ANGEL2: variants seen among roughly 807,000 people sequenced by gnomAD.
ANGEL2 encodes RNA 2',3'-cyclic phosphatase ANGEL2.
Under a neutral mutation model 66.0 loss-of-function variants are expected in ANGEL2, and 41 were observed. The observed-to-expected ratio is 0.62, with a 90% CI of 0.48 to 0.81. ANGEL2 has a LOEUF of 0.81. Among genes scored for constraint, ANGEL2 ranks in the 30% least tolerant of loss-of-function variants. The pLI is 0.00. For missense variants in ANGEL2, 561 were observed against 641.6 expected, an observed-to-expected ratio of 0.87 and a Z score of 1.36; for synonymous variants, 208 against 226.5, an observed-to-expected ratio of 0.92 and a Z score of 0.73.
intron 2 of ANGEL2, among the ~76,000 whole-genome samples, chr1:213,009,261 C>A (rs757001274): frequency 1.3e-5 from 2 of 152,146 alleles, no homozygotes; most frequent in Non-Finnish European, 2.9e-5. Context: ...TTAGAAATAA[C>A]CGTGTGTGTG....
intron 8 of ANGEL2, among the ~76,000 whole-genome samples, chr1:212,996,515 G>A (rs2076012002): frequency 6.7e-6 from 1 of 149,964 alleles, no homozygotes; most frequent in African/African-American, 2.5e-5. Flanking sequence ...TTAGCTACTC[G>A]GGAAGCTGAG....
Position 213,006,959 on chromosome 1 carries a change from T to C in ANGEL2, c.712+170A>G, listed in dbSNP as rs531613994. 557 of 509,644 alleles carry C rather than the reference T, an allele frequency of 1.1e-3. 1 individual carries two copies. Among genetic ancestry groups the C allele is most frequent in the South Asian group, 2.2e-3 (64 of 28,860 alleles). 31.6% of individuals were successfully genotyped at this position (509,644 alleles called of 1,614,324 possible). On this transcript the variant is annotated intron_variant, in intron 4 of 8. Coordinates refer to ENST00000366962, the MANE Select transcript of ANGEL2 (RefSeq NM_144567.5). ...AAATTAAATAATTGGCCGGGCATGG[T>C]GGCACACATCTCTAGTCCCAGCTAC...
rs968035098 is a variant in ANGEL2, at chr1:213,015,728, A to C, written c.-57T>G. 5 of 1,611,496 alleles carry C rather than the reference A, an allele frequency of 3.1e-6. No homozygotes were observed. The highest frequency in any genetic ancestry group is 4.2e-6 in the Non-Finnish European group (5 of 1,177,864). On this transcript the variant is annotated 5_prime_UTR_variant, in exon 1 of 9. It adds an upstream start codon to the 5' untranslated region. Transcript: ENST00000366962. ...CCCCGGGTTCCACCTCAATCTCTAT[A>C]ATCGATGCGACGGCCTAAAGTATCT...
chr1:213,005,324 C>CA lies in ANGEL2; in HGVS notation c.842dup (p.Leu281PhefsTer34). 1 of 1,614,184 alleles carries CA rather than the reference C, an allele frequency of 6.2e-7. No individual in the cohort carries two copies. Among genetic ancestry groups the CA allele is most frequent in the Non-Finnish European group, 8.5e-7 (1 of 1,180,036 alleles). On this transcript the variant is annotated frameshift_variant, in exon 5 of 9. Transcript: ENST00000366962. LOFTEE classifies it high-confidence loss of function. The stretch of plus-strand genomic sequence containing the variant: ...AAACTAATCCAACATTGTCTCTGTC[C>CA]AACAGAGAAATATCAGGGCGGAAGA...
intron 5 of ANGEL2, 35 bp downstream of exon 5, chr1:213,004,998 G>A (rs11120076): frequency 0.59 from 866,051 of 1,472,352 alleles, 265,499 homozygotes; most frequent in Non-Finnish European, 0.63. Context: ...GAGCAACTAT[G>A]TCCACTCCCT....
Position 213,013,163 on chromosome 1 carries a change from C to G in ANGEL2, c.315G>C (p.Leu105Phe). The G allele has an allele frequency of 6.2e-7, 1 of 1,614,102 alleles. No individual in the cohort carries two copies. Among genetic ancestry groups the G allele is most frequent in the South Asian group, 1.1e-5 (1 of 91,072 alleles). The change falls in exon 2 of 9, where the codon TTG becomes TTC. Residue 105 changes from leucine (L) to phenylalanine (F), a missense_variant. Transcript: ENST00000366962. ...TCATGACGTAACTAGAGAGATGAAT[C>G]AAAGATGTCTGGCTCAGGTTGTCAG... ...WRPDNLSQTS[L>F]IHLSSYVMNA...
intron 2 of ANGEL2, among the ~76,000 whole-genome samples, chr1:213,009,822 G>A (rs529527549): frequency 2.7e-4 from 41 of 152,198 alleles, no homozygotes; most frequent in South Asian, 1.0e-3. Context: ...AGGCTGAGGC[G>A]GGTGGATCAC....
chr1:213,002,143 G>A (rs1011191772), intron 5 of ANGEL2: 4 of 152,386 alleles, frequency 2.6e-5, no homozygotes, highest in African/African-American at 9.6e-5. Context: ...CCTATGAAAT[G>A]TATTTCTTAA....
intron 1 of ANGEL2, chr1:213,015,112 ATGACATACAAG>A: frequency 1.0e-6 from 1 of 987,828 alleles, no homozygotes; most frequent in African/African-American, 1.7e-5. Context: ...ACAGTAAGGG[ATGACATACAAG>A]TGACTAAAGT....
intron 2 of ANGEL2, 82 bp downstream of exon 2, chr1:213,013,011 G>A (rs2148181126): frequency 7.1e-7 from 1 of 1,404,804 alleles, no homozygotes; most frequent in Admixed American, 2.2e-5. Context: ...AACCTTAGGA[G>A]GTTTAAAGGA....
Position 213,013,391 on chromosome 1 carries a change from C to A in ANGEL2, c.87G>T (p.Arg29Ser). Reference sequence around the variant, plus strand: ...GTGTAGTCCAGTCTCTGCCCAGACTCCTCGAGTGATGGGGAAACATGGGGT... The same window carrying A: ...GTGTAGTCCAGTCTCTGCCCAGACTACTCGAGTGATGGGGAAACATGGGGT... ...GRYPMFPHHS[R>S]SLGRDWTTPW... is the part of the protein sequence containing the mutation. Residue 29 changes from arginine (R) to serine (S), a missense_variant, in exon 2 of 9, where the codon AGG becomes AGT. Transcript: ENST00000366962. The A allele has an allele frequency of 6.2e-7, 1 of 1,613,606 alleles. No homozygotes were observed. Among genetic ancestry groups the A allele is most frequent in the Non-Finnish European group, 8.5e-7 (1 of 1,179,718 alleles).
In ANGEL2 at chr1:213,011,205, T is replaced by C. The variant is rs1163715367; in HGVS notation, c.385+1888A>G. 3 of 1,289,232 alleles carry C rather than the reference T, an allele frequency of 2.3e-6. No individual in the cohort carries two copies. In the African/African-American group the frequency reaches 4.6e-5, roughly 20 times the overall value. The allele number at this position is 1,289,232 out of a possible 1,614,324, so 79.9% of individuals were successfully genotyped here. A position where few individuals can be genotyped will look rare whatever the true frequency, so the allele number is the denominator to read the frequency against. On this transcript the variant is annotated intron_variant, in intron 2 of 8. Transcript: ENST00000366962. Reference sequence around the variant, plus strand: ...TAAATTCACACTACAAAAGCTTATATACCTTCCATATCAGGAGGAACAAGG... The same window carrying C: ...TAAATTCACACTACAAAAGCTTATACACCTTCCATATCAGGAGGAACAAGG...
At chr1:213,010,875 A>C (rs2076487675) in intron 2 of ANGEL2, among the ~76,000 whole-genome samples, 2 of 152,228 alleles carry the variant, frequency 1.3e-5, no homozygotes. Flanking sequence ...AAGTTTATAA[A>C]CAACTCTTTT....
chr1:212,997,496 C>G (rs1300541258), intron 7 of ANGEL2, among the ~76,000 whole-genome samples, 178 bp from the exon 8 acceptor site: 1 of 152,044 alleles, frequency 6.6e-6, no homozygotes, highest in East Asian at 1.9e-4. Flanking sequence ...TATCTAAAAC[C>G]CATCAATAAA....
At chr1:213,011,512 G>A (rs2076507710) in intron 2 of ANGEL2, 1 of 1,043,244 alleles carries the variant, frequency 9.6e-7, no homozygotes, top group Non-Finnish European at 1.2e-6. Context: ...TTATCAGTAG[G>A]TAAATGTAAT....
At chr1:213,002,624 T>C (rs1483110798) in intron 5 of ANGEL2, among the ~76,000 whole-genome samples, 1 of 152,180 alleles carries the variant, frequency 6.6e-6, no homozygotes, top group African/African-American at 2.4e-5. Flanking sequence ...TTCATCCACA[T>C]TAAAAATTGT....
chr1:212,996,103 C>T (rs919403068), intron 8 of ANGEL2, among the ~76,000 whole-genome samples: 6 of 151,874 alleles, frequency 4.0e-5, no homozygotes, highest in African/African-American at 4.8e-5. Context: ...GTCAGGAGAT[C>T]GAGACCATCC....
chr1:213,015,776 TACCG>T lies in ANGEL2; in HGVS notation c.-109_-106del. On this transcript the variant is annotated 5_prime_UTR_variant, in exon 1 of 9. It introduces an in-frame stop codon into an upstream open reading frame of the 5' UTR. Coordinates refer to ENST00000366962, the MANE Select transcript of ANGEL2 (RefSeq NM_144567.5). ...TCTAGGGAACCCCATCACTCTTAAG[TACCG>T]ACTCCAGTCCTGGCTGCAAGGCATG... 1 of 1,470,848 alleles carries T rather than the reference TACCG, an allele frequency of 6.8e-7. No homozygotes were observed. The highest frequency in any genetic ancestry group is 9.4e-7 in the Non-Finnish European group (1 of 1,060,826). The allele number at this position is 1,470,848 out of a possible 1,614,324, so 91.1% of individuals were successfully genotyped here. A position where few individuals can be genotyped will look rare whatever the true frequency, so the allele number is the denominator to read the frequency against.
chr1:212,998,520 CTTTT>C (rs549600424), intron 7 of ANGEL2, among the ~76,000 whole-genome samples: 3 of 135,058 alleles, frequency 2.2e-5, no homozygotes, highest in African/African-American at 5.5e-5. Context: ...AAAAAAGTAT[CTTTT>C]TTTTTTTTTT....
Sources: gnomAD v4.1 joint callset for allele counts (sites outside exome capture counted in the v4.1 genomes callset) on GRCh38, gnomAD v4.1.1 for gene constraint, MANE v1.5 for transcripts, NCBI Gene and HGNC (gene_info 2026-07-23, HGNC 2026-07-21) for gene names.